The following SLCO6A1 variants were observed in gnomAD, a reference collection of about 807,000 sequenced individuals.
SLCO6A1 encodes the protein solute carrier organic anion transporter family member 6A1, also known as cancer/testis antigen 48.
A neutral mutation model predicts 72.7 loss-of-function variants in SLCO6A1; 65 were observed. The ratio of observed to expected loss-of-function variants is 0.89; its 90% CI spans 0.73 to 1.10. The LOEUF (loss-of-function observed/expected upper bound fraction) is 1.10, where lower values mean the gene tolerates loss of function less well. Among genes scored for constraint, SLCO6A1 ranks in the 50% least tolerant of loss-of-function variants. The pLI, the probability that SLCO6A1 is intolerant of heterozygous loss-of-function variation, is 0.00. For synonymous variants in SLCO6A1, 314 were observed against 298.2 expected, an observed-to-expected ratio of 1.05 and a Z score of -0.55; for missense variants, 874 against 872.6, an observed-to-expected ratio of 1.00 and a Z score of -0.02.
intron 10 of SLCO6A1, among the ~76,000 whole-genome samples, chr5:102,398,398 G>A (rs772946270): frequency 5.3e-5 from 8 of 152,050 alleles, no homozygotes; most frequent in Admixed American, 3.9e-4. Context: ...GGCTGGTCTC[G>A]AATTCCTGAC....
intron 3 of SLCO6A1, among the ~76,000 whole-genome samples, chr5:102,477,217 G>A (rs1751946627): frequency 6.6e-6 from 1 of 152,058 alleles, no homozygotes; most frequent in South Asian, 2.1e-4. Flanking sequence ...TGCCTCCTGG[G>A]TTTAAGCAAG....
intron 1 of SLCO6A1, among the ~76,000 whole-genome samples, chr5:102,493,579 GA>G (rs1397794778): frequency 6.6e-6 from 1 of 152,022 alleles, no homozygotes; most frequent in African/African-American, 2.4e-5. Context: ...CTAAAAATCA[GA>G]AAAATATCAA....
chr5:102,459,404 G>C (rs954440431), intron 5 of SLCO6A1, among the ~76,000 whole-genome samples: 2 of 152,098 alleles, frequency 1.3e-5, no homozygotes, highest in African/African-American at 4.8e-5. Context: ...GAGTGACAGA[G>C]CAAGGCCCTG....
intron 4 of SLCO6A1, among the ~76,000 whole-genome samples, chr5:102,462,519 C>A (rs1043363943): frequency 1.3e-5 from 2 of 152,100 alleles, no homozygotes; most frequent in Non-Finnish European, 2.9e-5. Context: ...AAGCAGCATG[C>A]TACTGGTATA....
intron 12 of SLCO6A1, among the ~76,000 whole-genome samples, chr5:102,377,581 T>C (rs1055766815): frequency 6.6e-6 from 1 of 152,084 alleles, no homozygotes; most frequent in South Asian, 2.1e-4. Flanking sequence ...AAAATCTATG[T>C]TAATTTTATT....
Position 102,413,095 on chromosome 5 carries a change from T to A in SLCO6A1, c.1521A>T (p.Arg507Ser). Residue 507 changes from arginine to serine, a missense_variant, in exon 9 of 14, where the codon AGA (arginine) becomes AGT (serine). Transcript: ENST00000506729. ...TAGAAGAATAAATTGAAGATGAGCA[T>A]CTACATTTTTCATTGCAAGGAGCCG... Reference protein sequence around the residue: ...NLTAPCNEKCRCSSSIYSSIC... With the variant: ...NLTAPCNEKCSCSSSIYSSIC... 3 of 1,570,356 alleles carry A rather than the reference T, an allele frequency of 1.9e-6. No homozygotes were observed. The highest frequency in any genetic ancestry group is 2.6e-6 in the Non-Finnish European group (3 of 1,164,928).
chr5:102,426,618 A>G (rs1040882561), intron 7 of SLCO6A1, among the ~76,000 whole-genome samples: 10 of 152,194 alleles, frequency 6.6e-5, no homozygotes, highest in African/African-American at 2.4e-4. Flanking sequence ...GTCAGGAAAC[A>G]ACAGATGCTG....
chr5:102,480,548 A>C (rs1752144022), intron 1 of SLCO6A1, 114 bp from the exon 2 acceptor site: 6 of 1,050,758 alleles, frequency 5.7e-6, no homozygotes. Context: ...AATTATTCTG[A>C]ATGTTTAAAA....
At chr5:102,484,144 T>C (rs1385622367) in intron 1 of SLCO6A1, among the ~76,000 whole-genome samples, 1 of 152,180 alleles carries the variant, frequency 6.6e-6, no homozygotes, top group Non-Finnish European at 1.5e-5. Flanking sequence ...AAGAACTTTA[T>C]CCTAGGCAAT....
At chr5:102,485,688 T>C (rs1752417926) in intron 1 of SLCO6A1, among the ~76,000 whole-genome samples, 1 of 152,184 alleles carries the variant, frequency 6.6e-6, no homozygotes, top group East Asian at 1.9e-4. Context: ...CTTGCGCCTG[T>C]TTTTTTCCAG....
intron 12 of SLCO6A1, among the ~76,000 whole-genome samples, chr5:102,383,882 A>G (rs1237269094): frequency 6.6e-6 from 1 of 151,766 alleles, no homozygotes. Context: ...TGGTCTGGTC[A>G]GATTTTCTAC....
intron 4 of SLCO6A1, among the ~76,000 whole-genome samples, chr5:102,471,312 C>CGGT (rs1351130935): frequency 1.3e-5 from 2 of 151,990 alleles, no homozygotes; most frequent in Admixed American, 1.3e-4. Context: ...ACAAGCTGAA[C>CGGT]ATAAATCAAT....
At chr5:102,479,923 C>A (rs1397671876) in intron 2 of SLCO6A1, among the ~76,000 whole-genome samples, 1 of 152,168 alleles carries the variant, frequency 6.6e-6, no homozygotes, top group African/African-American at 2.4e-5. Flanking sequence ...CAGTACTGAG[C>A]TTCCTACTGA....
At chr5:102,433,893 C>T (rs1042024375) in intron 7 of SLCO6A1, among the ~76,000 whole-genome samples, 4 of 151,976 alleles carry the variant, frequency 2.6e-5, no homozygotes, top group African/African-American at 9.7e-5. Context: ...TGTCGTAGTT[C>T]TTGTGTTCTT....
At chr5:102,427,865 T>TATATATATA (rs1491508485) in intron 7 of SLCO6A1, among the ~76,000 whole-genome samples, 13 of 72,672 alleles carry the variant, frequency 1.8e-4, no homozygotes, top group Non-Finnish European at 2.5e-4. Flanking sequence ...TATATATATA[T>TATATATATA]TTTTTTTTTT....
intron 6 of SLCO6A1, among the ~76,000 whole-genome samples, chr5:102,447,672 T>C (rs1473255716): frequency 6.6e-6 from 1 of 152,198 alleles, no homozygotes; most frequent in East Asian, 1.9e-4. Context: ...GTGGTGCTTG[T>C]AATAGTCTCT....
At chr5:102,382,336 G>A (rs1449784577) in intron 12 of SLCO6A1, among the ~76,000 whole-genome samples, 2 of 151,526 alleles carry the variant, frequency 1.3e-5, no homozygotes, top group Non-Finnish European at 3.0e-5. Flanking sequence ...CCATTTCAAT[G>A]GCCTATGTCT....
intron 8 of SLCO6A1, among the ~76,000 whole-genome samples, chr5:102,414,252 A>G (rs1034633607): frequency 2.0e-5 from 3 of 152,136 alleles, no homozygotes; most frequent in African/African-American, 7.2e-5. Context: ...ATATGGTGCA[A>G]GATGTGAATT....
At chr5:102,388,426 C>T (rs1381469934) in intron 12 of SLCO6A1, among the ~76,000 whole-genome samples, 1 of 152,034 alleles carries the variant, frequency 6.6e-6, no homozygotes, top group Non-Finnish European at 1.5e-5. Context: ...TAGCCTCGAC[C>T]TTTCAGGCTC....
Sources: allele counts gnomAD v4.1 joint callset (sites outside exome capture counted in the v4.1 genomes callset), GRCh38; gene constraint gnomAD v4.1.1; transcripts MANE v1.5; gene names NCBI Gene and HGNC (gene_info 2026-07-23, HGNC 2026-07-21).